The following PTGR1 variants were observed in gnomAD, a reference collection of about 807,000 sequenced individuals.
The protein encoded by PTGR1 is 15-oxoprostaglandin 13-reductase.
In PTGR1, 23 loss-of-function variants were observed where a neutral mutation model predicts 37.7. The ratio of observed to expected loss-of-function variants is 0.61; its 90% CI spans 0.44 to 0.86. The LOEUF (loss-of-function observed/expected upper bound fraction) is 0.86, where lower values mean the gene tolerates loss of function less well. Ranked by LOEUF, PTGR1 falls within the 40% of genes least tolerant of loss-of-function variation. The pLI is 0.00. For missense variants in PTGR1, 351 were observed against 394.3 expected, an observed-to-expected ratio of 0.89 and a Z score of 0.93; for synonymous variants, 134 against 140.0, an observed-to-expected ratio of 0.96 and a Z score of 0.30.
chr9:111,596,786 G>A (rs1235301198), intron 2 of PTGR1, among the ~76,000 whole-genome samples: 1 of 151,412 alleles, frequency 6.6e-6, no homozygotes, highest in Non-Finnish European at 1.5e-5. Flanking sequence ...AATTAGGGGG[G>A]CATGGTGGCG....
downstream of PTGR1, among the ~76,000 whole-genome samples, chr9:111,562,422 T>A (rs187014033): frequency 6.6e-6 from 1 of 151,888 alleles, no homozygotes; most frequent in East Asian, 1.9e-4. Context: ...ATTACAGGCA[T>A]GTGCCACCAC....
intron 9 of PTGR1, chr9:111,563,681 T>G (rs954294346): frequency 3.2e-5 from 5 of 154,810 alleles, no homozygotes; most frequent in African/African-American, 1.2e-4. Flanking sequence ...AATTGTTTTG[T>G]ATTTTTAGTA....
downstream of PTGR1, among the ~76,000 whole-genome samples, chr9:111,560,487 A>AG (rs1828243287): frequency 6.7e-6 from 1 of 148,652 alleles, no homozygotes. Context: ...AAAAAAAAAA[A>AG]AAGATCAGCC....
downstream of PTGR1, among the ~76,000 whole-genome samples, chr9:111,559,641 CAT>C (rs1001418700): frequency 1.4e-5 from 2 of 142,956 alleles, no homozygotes; most frequent in African/African-American, 5.8e-5. Context: ...CACACACACA[CAT>C]ACAGCACACA....
intron 7 of PTGR1, chr9:111,576,490 G>A (rs985375302): frequency 1.3e-6 from 2 of 1,595,238 alleles, no homozygotes; most frequent in Non-Finnish European, 1.7e-6. Flanking sequence ...TGCAGTTCAA[G>A]AGGCTCTGGT....
At chr9:111,573,571 T>G (rs1328166966) in intron 8 of PTGR1, among the ~76,000 whole-genome samples, 1 of 152,172 alleles carries the variant, frequency 6.6e-6, no homozygotes, top group Non-Finnish European at 1.5e-5. Flanking sequence ...TTCTCGTACT[T>G]TCTCCTTTTT....
At chr9:111,587,914 T>C (rs1210577604) in intron 4 of PTGR1, among the ~76,000 whole-genome samples, 2 of 152,180 alleles carry the variant, frequency 1.3e-5, no homozygotes, top group African/African-American at 4.8e-5. Context: ...TTAGGATACT[T>C]TCAGTATTTT....
chr9:111,590,404 G>A (rs1398781719), intron 4 of PTGR1, among the ~76,000 whole-genome samples: 2 of 152,090 alleles, frequency 1.3e-5, no homozygotes, highest in Admixed American at 6.6e-5. Context: ...TGTTGCCCAG[G>A]CTGGACTGCA....
At chr9:111,579,963 A>G (rs1345260644) in intron 6 of PTGR1, among the ~76,000 whole-genome samples, 1 of 152,222 alleles carries the variant, frequency 6.6e-6, no homozygotes, top group Admixed American at 6.5e-5. Context: ...AATCGAGGAA[A>G]AACCCCAGTT....
intron 9 of PTGR1, among the ~76,000 whole-genome samples, chr9:111,550,599 T>C (rs1367450310): frequency 3.9e-5 from 6 of 152,190 alleles, no homozygotes; most frequent in Admixed American, 3.3e-4. Context: ...ATAATCACTT[T>C]AGGAACTTTC....
intron 5 of PTGR1, among the ~76,000 whole-genome samples, chr9:111,584,765 A>G (rs1829382629): frequency 6.6e-6 from 1 of 152,202 alleles, no homozygotes; most frequent in Admixed American, 6.5e-5. Context: ...TTCTACTGAC[A>G]CTGAACTTGT....
At chr9:111,581,156 A>C (rs1164144060) in intron 6 of PTGR1, among the ~76,000 whole-genome samples, 1 of 152,220 alleles carries the variant, frequency 6.6e-6, no homozygotes, top group Non-Finnish European at 1.5e-5. Flanking sequence ...TAATCTAGAA[A>C]CTGATGCTGC....
At chr9:111,573,868 G>A (rs1487217778) in intron 8 of PTGR1, among the ~76,000 whole-genome samples, 1 of 152,178 alleles carries the variant, frequency 6.6e-6, no homozygotes, top group Non-Finnish European at 1.5e-5. Flanking sequence ...TTCAGCATAA[G>A]AGAGTAGGGA....
chr9:111,598,482 C>G (rs909405581), intron 1 of PTGR1, among the ~76,000 whole-genome samples: 1 of 152,138 alleles, frequency 6.6e-6, no homozygotes, highest in Non-Finnish European at 1.5e-5. Context: ...GTTGTTCCTT[C>G]TTTTCTTTTT....
chr9:111,549,744 T>C (rs1339647728), exon 10 of PTGR1: 2 of 1,550,768 alleles, frequency 1.3e-6, no homozygotes, highest in Non-Finnish European at 1.7e-6. Context: ...GAATGATACA[T>C]ATTCCCTTCA....
chr9:111,566,740 T>C (rs1460984853), intron 9 of PTGR1, among the ~76,000 whole-genome samples: 2 of 152,172 alleles, frequency 1.3e-5, no homozygotes, highest in African/African-American at 4.8e-5. Context: ...GGGCTGGAGA[T>C]ACACCAGAAA....
chr9:111,557,054 C>A (rs1169992893), intron 9 of PTGR1, among the ~76,000 whole-genome samples: 2 of 152,240 alleles, frequency 1.3e-5, no homozygotes, highest in African/African-American at 4.8e-5. Flanking sequence ...CCGCGAAGAT[C>A]TCTGAAATGC....
intron 4 of PTGR1, among the ~76,000 whole-genome samples, chr9:111,586,982 T>C (rs1766146501): frequency 6.6e-6 from 1 of 152,048 alleles, no homozygotes; most frequent in African/African-American, 2.4e-5. Context: ...ACCAGACTAA[T>C]TTTTGTATAT....
At chr9:111,561,229 CAA>C (rs1290021792), downstream of PTGR1, among the ~76,000 whole-genome samples, 3 of 145,622 alleles carry the variant, frequency 2.1e-5, no homozygotes, top group South Asian at 2.2e-4. Context: ...TCCATATGTT[CAA>C]GTCTTCTTTT....
Sources: gnomAD v4.1 joint callset for allele counts (sites outside exome capture counted in the v4.1 genomes callset) on GRCh38, gnomAD v4.1.1 for gene constraint, MANE v1.5 for transcripts, NCBI Gene and HGNC (gene_info 2026-07-23, HGNC 2026-07-21) for gene names.